Variants in ARNT observed in about 807,000 individuals in gnomAD.
ARNT encodes aryl hydrocarbon receptor nuclear translocator.
A neutral mutation model predicts 105.0 loss-of-function variants in ARNT; 30 were observed. The observed-to-expected ratio is 0.29, with a 90% CI of 0.21 to 0.39. The LOEUF (loss-of-function observed/expected upper bound fraction) is 0.39, where lower values mean the gene tolerates loss of function less well. Among genes scored for constraint, ARNT ranks in the 10% least tolerant of loss-of-function variants. The pLI is 1.00. For synonymous variants in ARNT, 304 were observed against 344.0 expected (o/e 0.88, Z 1.29); for missense variants, 748 against 978.7 (o/e 0.76, Z 3.15).
chr1:150,824,666 G>A (rs1430392191), intron 13 of ARNT, among the ~76,000 whole-genome samples: 1 of 151,608 alleles, frequency 6.6e-6, no homozygotes, highest in Non-Finnish European at 1.5e-5. Flanking sequence ...TGTTGGCTAG[G>A]CTGGTCTCAA....
chr1:150,828,999 T>G, intron 12 of ARNT, 94 bp downstream of exon 12: 2 of 1,411,952 alleles, frequency 1.4e-6, no homozygotes, highest in South Asian at 1.4e-5. Flanking sequence ...TTAACTGAGG[T>G]TGATATGTTT....
intron 3 of ARNT, among the ~76,000 whole-genome samples, chr1:150,851,881 A>G (rs954257788): frequency 1.3e-5 from 2 of 151,866 alleles, no homozygotes; most frequent in Non-Finnish European, 2.9e-5. Context: ...AAAAAATAAA[A>G]AAATAAAAAT....
intron 2 of ARNT, among the ~76,000 whole-genome samples, chr1:150,856,110 G>A (rs1664555400): frequency 6.6e-6 from 1 of 152,184 alleles, no homozygotes; most frequent in African/African-American, 2.4e-5. Context: ...CCTTTTTATT[G>A]TTCTTTCTAA....
chr1:150,826,958 T>C (rs1294226557), intron 12 of ARNT, among the ~76,000 whole-genome samples: 1 of 152,020 alleles, frequency 6.6e-6, no homozygotes, highest in Non-Finnish European at 1.5e-5. Context: ...ACATATATAA[T>C]TTTATGGTCA....
intron 4 of ARNT, 22 bp downstream of exon 4, chr1:150,846,241 A>G (rs750562341): frequency 4.4e-6 from 7 of 1,591,962 alleles, no homozygotes; most frequent in African/African-American, 2.7e-5. Flanking sequence ...ATATTACAAT[A>G]TATTACCTAC....
At position 150,814,313 on chromosome 1, in the gene ARNT, T is replaced by A. The variant is rs181965905; in HGVS notation, c.1951-74A>T. ...ATTGCACATACCATGCCTATGAGAG[T>A]CAACACTGTCAATCACTGCATCCTT... On this transcript the variant is annotated intron_variant, in intron 19 of 21. Coordinates refer to ENST00000358595, the MANE Select transcript of ARNT (RefSeq NM_001668.4). 6.3e-4 allele frequency: 891 copies of A among 1,422,734 alleles called. 3 individuals are homozygous for A. In the African/African-American group the frequency reaches 0.011, roughly 18 times the overall value. The allele number at this position is 1,422,734 out of a possible 1,614,324, so 88.1% of individuals were successfully genotyped here. A position where few individuals can be genotyped will look rare whatever the true frequency, so the allele number is the denominator to read the frequency against.
chr1:150,866,889 T>C (rs1011435567), intron 1 of ARNT, among the ~76,000 whole-genome samples: 3 of 152,098 alleles, frequency 2.0e-5, no homozygotes, highest in Non-Finnish European at 2.9e-5. Flanking sequence ...GGTGAGTACA[T>C]ACATATATAG....
intron 1 of ARNT, among the ~76,000 whole-genome samples, chr1:150,869,070 A>C (rs1425638204): frequency 6.6e-6 from 1 of 152,152 alleles, no homozygotes; most frequent in Non-Finnish European, 1.5e-5. Flanking sequence ...GAGGTGTTGC[A>C]GGAAGCTATG....
In ARNT at chr1:150,826,624, T is replaced by C. The variant is rs374906557; in HGVS notation, c.1168-7A>G. 51 of 1,600,972 alleles carry C rather than the reference T, an allele frequency of 3.2e-5. No homozygotes were observed. Among genetic ancestry groups the C allele is most frequent in the Non-Finnish European group, 4.2e-5 (49 of 1,169,876 alleles). ...TATTCTTTCCTAAGAGTTCCTAGAA[T>C]ACAGAAAGAAGAGTAAGATATATAC... On this transcript the variant is annotated splice_region_variant and splice_polypyrimidine_tract_variant and intron_variant, in intron 12 of 21. Transcript: ENST00000358595.
At chr1:150,834,719 T>C in intron 7 of ARNT, 79 bp from the exon 8 acceptor site, 1 of 1,228,180 alleles carries the variant, frequency 8.1e-7, no homozygotes, top group East Asian at 2.3e-5. Flanking sequence ...AAGGCAAAGA[T>C]AAGTAAGCAT....
rs10305751 is a variant in ARNT at position 150,810,982 on chromosome 1, C to G, written c.*1039G>C. ...CCAACAATGAGGATTTTCACTGGGACGGCTAATCCAAGAAGTTGAGTTTCC... is the reference window on the plus strand; with the variant it reads ...CCAACAATGAGGATTTTCACTGGGAGGGCTAATCCAAGAAGTTGAGTTTCC... On this transcript the variant is annotated 3_prime_UTR_variant, in exon 22 of 22. Transcript: ENST00000358595. The G allele has an allele frequency of 4.4e-6, 1 of 229,710 alleles. No homozygotes were observed. The highest frequency in any genetic ancestry group is 8.6e-6 in the Non-Finnish European group (1 of 115,636). The allele number at this position is 229,710 out of a possible 1,614,324, so 14.2% of individuals were successfully genotyped here. A position where few individuals can be genotyped will look rare whatever the true frequency, so the allele number is the denominator to read the frequency against.
chr1:150,811,407 T>C lies in ARNT; in HGVS notation c.*614A>G, dbSNP rs1557836503. On this transcript the variant is annotated 3_prime_UTR_variant, in exon 22 of 22. Coordinates refer to ENST00000358595, the MANE Select transcript of ARNT (RefSeq NM_001668.4). ...ACAAAGGTAAAATCGGGGACAAATT[T>C]TGCATAACTCCCTAATAGGGAGAAA... 2 of 233,360 alleles carry C rather than the reference T, an allele frequency of 8.6e-6. No individual in the cohort carries two copies. The highest frequency in any genetic ancestry group is 2.2e-5 in the African/African-American group (1 of 45,302). The allele number at this position is 233,360 out of a possible 1,614,324, so 14.5% of individuals were successfully genotyped here.
At chr1:150,822,545 G>C (rs587606472) in intron 14 of ARNT, among the ~76,000 whole-genome samples, 15 of 152,296 alleles carry the variant, frequency 9.8e-5, no homozygotes, top group African/African-American at 3.6e-4. Flanking sequence ...GATCCCCGGA[G>C]GGTAGCCCAC....
chr1:150,838,345 GTTTAA>G (rs764984732), intron 6 of ARNT, among the ~76,000 whole-genome samples: 5 of 152,220 alleles, frequency 3.3e-5, no homozygotes, highest in South Asian at 2.1e-4. Flanking sequence ...CTAGTTCTAT[GTTTAA>G]TTTATTTATT....
At chr1:150,846,975 C>T (rs894098848) in intron 3 of ARNT, among the ~76,000 whole-genome samples, 2 of 152,086 alleles carry the variant, frequency 1.3e-5, no homozygotes, top group Non-Finnish European at 2.9e-5. Context: ...AATAATATTC[C>T]CTTGTATGTA....
At chr1:150,826,473 A>T in intron 13 of ARNT, 70 bp downstream of exon 13, 1 of 1,254,770 alleles carries the variant, frequency 8.0e-7, no homozygotes, top group Non-Finnish European at 1.2e-6. Flanking sequence ...TGTTCAGTTA[A>T]TCAGTAGTCA....
chr1:150,825,941 T>G (rs1658151703), intron 13 of ARNT, among the ~76,000 whole-genome samples: 2 of 150,082 alleles, frequency 1.3e-5, no homozygotes. Flanking sequence ...TGAGACAGAG[T>G]CTAGCTCTGT....
intron 1 of ARNT, among the ~76,000 whole-genome samples, chr1:150,876,272 C>G (rs908245574): frequency 3.3e-5 from 5 of 152,188 alleles, no homozygotes; most frequent in Non-Finnish European, 5.9e-5. Flanking sequence ...GCGGGCCAGC[C>G]CCGCACTGGC....
chr1:150,827,857 A>G (rs1335248813), intron 12 of ARNT, among the ~76,000 whole-genome samples: 1 of 152,210 alleles, frequency 6.6e-6, no homozygotes, highest in Non-Finnish European at 1.5e-5. Context: ...GATTACAGCC[A>G]TTCTAGTGGG....
Sources: allele counts gnomAD v4.1 joint callset (sites outside exome capture counted in the v4.1 genomes callset), GRCh38; gene constraint gnomAD v4.1.1; transcripts MANE v1.5; gene names NCBI Gene and HGNC (gene_info 2026-07-23, HGNC 2026-07-21).